The following LMBR1 variants were observed in gnomAD, a reference collection of about 807,000 sequenced individuals.
LMBR1 encodes the protein limb region 1 protein homolog.
LMBR1 carries 52 observed loss-of-function variants against 73.9 expected under a neutral mutation model. That is an observed-to-expected ratio of 0.70 (90% CI 0.56 to 0.89). The LOEUF is 0.89. Ranked by LOEUF, LMBR1 falls within the 40% of genes least tolerant of loss-of-function variation. The pLI, the probability that LMBR1 is intolerant of heterozygous loss-of-function variation, is 0.00. For missense variants in LMBR1, 539 were observed against 579.8 expected (o/e 0.93, Z 0.72); for synonymous variants, 215 against 209.4 (o/e 1.03, Z -0.23).
intron 14 of LMBR1, among the ~76,000 whole-genome samples, chr7:156,724,690 A>G (rs1232819669): frequency 6.6e-6 from 1 of 152,106 alleles, no homozygotes; most frequent in African/African-American, 2.4e-5. Flanking sequence ...GGAGTTGAAA[A>G]TATCAATTAA....
At chr7:156,821,856 C>T (rs6944664) in intron 4 of LMBR1, among the ~76,000 whole-genome samples, 4,245 of 152,244 alleles carry the variant, frequency 0.028, 204 homozygotes, top group African/African-American at 0.097. Context: ...ATACATGGAC[C>T]CAGCACCTTC....
intron 9 of LMBR1, among the ~76,000 whole-genome samples, chr7:156,738,368 C>A (rs1352827450): frequency 6.6e-6 from 1 of 152,340 alleles, no homozygotes; most frequent in South Asian, 2.1e-4. Context: ...CAACGGGCTA[C>A]AGTGCTCTGG....
At chr7:156,728,149 G>C in intron 11 of LMBR1, 142 bp from the exon 12 acceptor site, 1 of 592,150 alleles carries the variant, frequency 1.7e-6, no homozygotes, top group Non-Finnish European at 3.0e-6. Flanking sequence ...AAAGTAATCA[G>C]ACTACAAACA....
Position 156,724,108 on chromosome 7 carries a change from T to C in LMBR1, c.1225+4A>G. On this transcript the variant is annotated splice_donor_region_variant and intron_variant, in intron 15 of 16. Transcript: ENST00000353442. ...TTAAGTGAAAATTTCTCACTGAAAC[T>C]TACCCAGTGTTCTCGACATCACAGG... The C allele has an allele frequency of 6.2e-7, 1 of 1,606,182 alleles. No individual in the cohort carries two copies. Among genetic ancestry groups the C allele is most frequent in the Non-Finnish European group, 8.5e-7 (1 of 1,175,706 alleles).
chr7:156,793,986 T>G (rs149352895), intron 5 of LMBR1, among the ~76,000 whole-genome samples: 19 of 152,308 alleles, frequency 1.2e-4, no homozygotes, highest in African/African-American at 4.3e-4. Context: ...TTCCCTACCT[T>G]CAAGCTAGAA....
intron 8 of LMBR1, among the ~76,000 whole-genome samples, chr7:156,757,399 G>A (rs1822104290): frequency 6.6e-6 from 1 of 152,172 alleles, no homozygotes; most frequent in South Asian, 2.1e-4. Context: ...AAAATCTAGA[G>A]AAGTGGTATG....
At chr7:156,857,718 A>G (rs914541348) in intron 1 of LMBR1, among the ~76,000 whole-genome samples, 6 of 152,248 alleles carry the variant, frequency 3.9e-5, no homozygotes, top group Non-Finnish European at 8.8e-5. Context: ...CATAAAGAAT[A>G]CCTTAACAAA....
At chr7:156,712,342 TA>T (rs895367412) in intron 15 of LMBR1, among the ~76,000 whole-genome samples, 36 of 151,826 alleles carry the variant, frequency 2.4e-4, no homozygotes, top group African/African-American at 8.5e-4. Flanking sequence ...TGGCTACTAT[TA>T]AAAAGTAAAA....
rs200856353 is a variant in LMBR1, at chr7:156,764,005, C to CA, written c.424-211dup. On this transcript the variant is annotated intron_variant, in intron 5 of 16. Coordinates refer to ENST00000353442, the MANE Select transcript of LMBR1 (RefSeq NM_022458.4). ...AATATTATTAAGCTTGGATAAAACA[C>CA]AAAAAAAATTCTTCATAAAAAACAT... Among the ~76,000 whole-genome samples, 4,837 of 151,876 alleles carry CA rather than the reference C, an allele frequency of 0.032. 123 individuals carry two copies. Among genetic ancestry groups the CA allele is most frequent in the South Asian group, 0.084 (403 of 4,802 alleles).
chr7:156,735,389 T>C (rs562587912), intron 9 of LMBR1, among the ~76,000 whole-genome samples: 1 of 152,130 alleles, frequency 6.6e-6, no homozygotes, highest in Admixed American at 6.5e-5. Context: ...CATATTTCTA[T>C]GCATTTATCA....
At chr7:156,719,727 A>G (rs1814096312) in intron 15 of LMBR1, among the ~76,000 whole-genome samples, 1 of 152,148 alleles carries the variant, frequency 6.6e-6, no homozygotes, top group Non-Finnish European at 1.5e-5. Flanking sequence ...CAGTAACCAA[A>G]ACAGCATGGT....
At chr7:156,866,894 G>A (rs1413091981) in intron 1 of LMBR1, among the ~76,000 whole-genome samples, 1 of 152,102 alleles carries the variant, frequency 6.6e-6, no homozygotes, top group African/African-American at 2.4e-5. Flanking sequence ...GAGCCACTGC[G>A]CCCAGCCTCT....
At chr7:156,692,618 C>A in intron 15 of LMBR1, among the ~76,000 whole-genome samples, 1 of 152,148 alleles carries the variant, frequency 6.6e-6, no homozygotes, top group Non-Finnish European at 1.5e-5. Context: ...AAGGTGGGCC[C>A]TATGATTGCC....
At chr7:156,770,217 C>T (rs531610938) in intron 5 of LMBR1, among the ~76,000 whole-genome samples, 1 of 152,026 alleles carries the variant, frequency 6.6e-6, no homozygotes, top group Non-Finnish European at 1.5e-5. Context: ...TGAGATCTCA[C>T]TATGTTTCCC....
intron 5 of LMBR1, among the ~76,000 whole-genome samples, chr7:156,774,701 G>A (rs966372115): frequency 2.6e-5 from 4 of 151,910 alleles, no homozygotes; most frequent in Admixed American, 6.6e-5. Context: ...GCGTGGTGGC[G>A]GGCACCTGTA....
chr7:156,756,264 C>T (rs1409542746), intron 9 of LMBR1, 129 bp downstream of exon 9: 1 of 582,242 alleles, frequency 1.7e-6, no homozygotes, highest in Non-Finnish European at 3.0e-6. Context: ...TCTTTTATTA[C>T]TCTAAAGTGT....
At chr7:156,865,876 T>C (rs1044084882) in intron 1 of LMBR1, among the ~76,000 whole-genome samples, 1 of 152,186 alleles carries the variant, frequency 6.6e-6, no homozygotes, top group East Asian at 1.9e-4. Flanking sequence ...AACAACTGGA[T>C]ATCCATATGC....
At chr7:156,704,777 T>C (rs60628718) in intron 15 of LMBR1, among the ~76,000 whole-genome samples, 1,569 of 144,866 alleles carry the variant, frequency 0.011, 33 homozygotes, top group African/African-American at 0.038. Flanking sequence ...AAACCAGAAA[T>C]TCTGAAACAA....
chr7:156,887,660 T>G (rs1169220963), intron 1 of LMBR1, among the ~76,000 whole-genome samples: 1 of 151,660 alleles, frequency 6.6e-6, no homozygotes, highest in Non-Finnish European at 1.5e-5. Flanking sequence ...AATGAAAAAA[T>G]AGATCAATTG....
Sources: allele counts gnomAD v4.1 joint callset (sites outside exome capture counted in the v4.1 genomes callset), GRCh38; gene constraint gnomAD v4.1.1; transcripts MANE v1.5; gene names NCBI Gene and HGNC (gene_info 2026-07-23, HGNC 2026-07-21).